The following LRIG1 variants were observed in gnomAD, a reference collection of about 807,000 sequenced individuals.
LRIG1 encodes leucine rich repeats and immunoglobulin like domains 1.
Under a neutral mutation model 99.2 loss-of-function variants are expected in LRIG1, and 48 were observed. That is an observed-to-expected ratio of 0.48 (90% confidence interval 0.38 to 0.62). The LOEUF is 0.62. Among genes scored for constraint, LRIG1 ranks in the 20% least tolerant of loss-of-function variants. The pLI is 0.00. For missense variants in LRIG1, 1,646 were observed against 1,434.4 expected (o/e 1.15, Z -2.38); for synonymous variants, 772 against 596.1 (o/e 1.29, Z -4.30).
chr3:66,411,674 G>A (rs371212273), intron 6 of LRIG1, among the ~76,000 whole-genome samples: 6 of 152,150 alleles, frequency 3.9e-5, no homozygotes, highest in Admixed American at 3.3e-4. Flanking sequence ...GGCCTAGCTC[G>A]TTTCCACTGC....
intron 2 of LRIG1, 97 bp from the exon 3 acceptor site, chr3:66,451,730 A>G (rs1703910542): frequency 1.2e-6 from 1 of 846,394 alleles, no homozygotes; most frequent in African/African-American, 1.7e-5. Flanking sequence ...TAAGTCTGCC[A>G]CAGTAAACCT....
intron 1 of LRIG1, among the ~76,000 whole-genome samples, chr3:66,476,415 C>G (rs958225045): frequency 6.6e-6 from 1 of 152,154 alleles, no homozygotes; most frequent in Non-Finnish European, 1.5e-5. Context: ...AATTCTCTTT[C>G]CCAGGTAAAA....
intron 1 of LRIG1, among the ~76,000 whole-genome samples, chr3:66,495,959 G>C (rs1179106083): frequency 6.6e-6 from 1 of 152,210 alleles, no homozygotes; most frequent in African/African-American, 2.4e-5. Context: ...AAGCTGCAGG[G>C]AGAACCCAGG....
chr3:66,457,624 C>T (rs975310891), intron 2 of LRIG1, among the ~76,000 whole-genome samples: 1 of 152,220 alleles, frequency 6.6e-6, no homozygotes, highest in African/African-American at 2.4e-5. Flanking sequence ...GTAACACCAA[C>T]AATGTGTTAC....
intron 3 of LRIG1, among the ~76,000 whole-genome samples, chr3:66,417,817 A>G (rs751267286): frequency 1.3e-4 from 20 of 152,148 alleles, no homozygotes; most frequent in Non-Finnish European, 2.2e-4. Flanking sequence ...AAAGATTACG[A>G]CAAAATCCTG....
chr3:66,471,507 T>C (rs1700594855), intron 1 of LRIG1, among the ~76,000 whole-genome samples: 1 of 152,078 alleles, frequency 6.6e-6, no homozygotes, highest in Non-Finnish European at 1.5e-5. Flanking sequence ...TTCCCCGAGG[T>C]GCCCTGACAG....
chr3:66,431,881 C>T (rs540102851), intron 3 of LRIG1, among the ~76,000 whole-genome samples: 1 of 152,256 alleles, frequency 6.6e-6, no homozygotes, highest in African/African-American at 2.4e-5. Context: ...ACACAGCCCA[C>T]CAATTCACAT....
Position 66,447,410 on chromosome 3 carries a change from AT to A in LRIG1, c.365+4148del, listed in dbSNP as rs1338366403. Among the ~76,000 whole-genome samples the A allele has an allele frequency of 2.6e-5, 4 of 152,078 alleles. No homozygotes were observed. In the East Asian group the frequency reaches 5.8e-4, roughly 22 times the overall value. On this transcript the variant is annotated intron_variant, in intron 3 of 18. Coordinates refer to ENST00000273261, the MANE Select transcript of LRIG1 (RefSeq NM_015541.3). ...ATTAAAAAAAATAGTTTTCAAAAAC[AT>A]TTTTTCAAGATTAGAAGTAAAAGGC... is the stretch of plus-strand genomic sequence containing the variant.
chr3:66,404,400 A>G (rs1456384210), intron 9 of LRIG1: 1 of 1,248,602 alleles, frequency 8.0e-7, no homozygotes, highest in Admixed American at 2.7e-5. Context: ...CTGCTAGTAA[A>G]CAGTAATAAT....
chr3:66,469,522 G>C (rs1337931847), intron 1 of LRIG1, among the ~76,000 whole-genome samples: 1 of 152,164 alleles, frequency 6.6e-6, no homozygotes, highest in Non-Finnish European at 1.5e-5. Flanking sequence ...TTAACTGAGA[G>C]AAGAAACTCA....
Position 66,380,833 on chromosome 3 carries a change from G to A in LRIG1, c.2799C>T (p.Asp933=), listed in dbSNP as rs774413632. Residue 933 remains aspartate, a synonymous_variant, in exon 18 of 19, where the codon GAC becomes GAT. Transcript: ENST00000273261. ...AGTAACAGTCCACTTCGGTGTTGCA[G>A]TCACTGCATACGACCCGGCCACCGT... The part of the protein sequence containing the change: ...MEHGGRVVCS[D]CNTEVDCYSR... 6.2e-7 allele frequency: 1 copy of A among 1,614,224 alleles called. No individual in the cohort carries two copies. The highest frequency in any genetic ancestry group is 1.1e-5 in the South Asian group (1 of 91,082).
intron 1 of LRIG1, among the ~76,000 whole-genome samples, chr3:66,496,276 TAC>T (rs2106938673): frequency 6.6e-6 from 1 of 152,306 alleles, no homozygotes; most frequent in Admixed American, 6.5e-5. Context: ...TGTGTGCCAA[TAC>T]ACAGTTAATT....
At chr3:66,409,300 T>C (rs1401160107) in intron 7 of LRIG1, among the ~76,000 whole-genome samples, 1 of 152,098 alleles carries the variant, frequency 6.6e-6, no homozygotes, top group African/African-American at 2.4e-5. Flanking sequence ...AAACACAAAC[T>C]ATAGACTTGT....
At chr3:66,396,198 G>C (rs1313559537) in intron 11 of LRIG1, among the ~76,000 whole-genome samples, 1 of 152,200 alleles carries the variant, frequency 6.6e-6, no homozygotes, top group Non-Finnish European at 1.5e-5. Flanking sequence ...GGTGGAGACA[G>C]CATGTTCCTA....
chr3:66,451,672 G>C (rs1464275918), intron 2 of LRIG1, 39 bp from the exon 3 acceptor site: 3 of 1,463,984 alleles, frequency 2.0e-6, no homozygotes, highest in Admixed American at 1.7e-5. Context: ...TAAGGCATTT[G>C]AATTAGTCTG....
At chr3:66,421,078 GC>G (rs1163120589) in intron 3 of LRIG1, among the ~76,000 whole-genome samples, 1 of 152,084 alleles carries the variant, frequency 6.6e-6, no homozygotes, top group Admixed American at 6.6e-5. Flanking sequence ...GGAAAAACCT[GC>G]CCCCATAACT....
chr3:66,480,916 C>A (rs995410232), intron 1 of LRIG1, among the ~76,000 whole-genome samples: 7 of 152,124 alleles, frequency 4.6e-5, no homozygotes, highest in South Asian at 2.1e-4. Flanking sequence ...TAAGATCTAA[C>A]CCTTTTCTGT....
chr3:66,393,932 A>T, intron 12 of LRIG1, 108 bp downstream of exon 12: 1 of 1,192,454 alleles, frequency 8.4e-7, no homozygotes, highest in South Asian at 1.4e-5. Flanking sequence ...ATCTGTAACC[A>T]CGGGCTGGGG....
chr3:66,456,572 T>TAAAA (rs35291779), intron 2 of LRIG1, among the ~76,000 whole-genome samples: 1 of 121,712 alleles, frequency 8.2e-6, no homozygotes, highest in Non-Finnish European at 1.7e-5. Flanking sequence ...GATCCTGTCT[T>TAAAA]AAAAAAAAAA....
Sources: allele counts gnomAD v4.1 joint callset (sites outside exome capture counted in the v4.1 genomes callset), GRCh38; gene constraint gnomAD v4.1.1; transcripts MANE v1.5; gene names NCBI Gene and HGNC (gene_info 2026-07-23, HGNC 2026-07-21).